MED12L: variants seen among roughly 807,000 people sequenced by gnomAD.
The protein encoded by MED12L is mediator complex subunit 12L, also known as mediator of RNA polymerase II transcription subunit 12-like protein.
A neutral mutation model predicts 281.3 loss-of-function variants in MED12L; 60 were observed. The observed-to-expected ratio is 0.21, with a 90% CI of 0.17 to 0.26. The LOEUF is 0.26. Among genes scored for constraint, MED12L ranks in the 10% least tolerant of loss-of-function variants. MED12L has a pLI of 1.00. For synonymous variants in MED12L, 974 were observed against 987.2 expected, an observed-to-expected ratio of 0.99 and a Z score of 0.25; for missense variants, 2,146 against 2,680.9, an observed-to-expected ratio of 0.80 and a Z score of 4.41.
rs146550613 is a variant in MED12L, at chr3:151,217,066, C to A, written c.2250+23400C>A. ...TCACTTGAGTTTAAAATATAAAAAACTGTAGCTGTTATTTTGGAAAACAGA... is the reference window on the plus strand; with the variant it reads ...TCACTTGAGTTTAAAATATAAAAAAATGTAGCTGTTATTTTGGAAAACAGA... On this transcript the variant is annotated intron_variant, in intron 16 of 44. Transcript: ENST00000687756. Among the ~76,000 whole-genome samples, 7 of 152,234 alleles carry A rather than the reference C, an allele frequency of 4.6e-5. No homozygotes were observed. The East Asian group carries it at 1.4e-3, about 29-fold the overall frequency.
intron 16 of MED12L, among the ~76,000 whole-genome samples, chr3:151,216,154 G>C (rs1205920450): frequency 6.6e-6 from 1 of 151,974 alleles, no homozygotes; most frequent in Admixed American, 6.6e-5. Flanking sequence ...TTTTACTCTT[G>C]AATTCTTTGC....
intron 16 of MED12L, among the ~76,000 whole-genome samples, chr3:151,238,108 C>T (rs1351576475): frequency 6.6e-6 from 1 of 151,824 alleles, no homozygotes; most frequent in Non-Finnish European, 1.5e-5. Context: ...CTTTTCTGTC[C>T]TAAAGTTTAG....
At chr3:151,320,172 C>A (rs1255986290) in intron 16 of MED12L, among the ~76,000 whole-genome samples, 1 of 152,112 alleles carries the variant, frequency 6.6e-6, no homozygotes, top group Non-Finnish European at 1.5e-5. Context: ...TGTTGGTAGG[C>A]ATAGTATTTG....
At chr3:151,237,338 TTTTTTTTTTTTC>T (rs1733066179) in intron 16 of MED12L, among the ~76,000 whole-genome samples, 1 of 97,292 alleles carries the variant, frequency 1.0e-5, no homozygotes, top group Non-Finnish European at 2.0e-5. Context: ...ACGCCTGGCT[TTTTTTTTTTTTC>T]TTTTTTTTTT....
intron 39 of MED12L, among the ~76,000 whole-genome samples, chr3:151,405,228 A>G (rs1028610856): frequency 1.3e-5 from 2 of 152,214 alleles, no homozygotes; most frequent in African/African-American, 4.8e-5. Flanking sequence ...TATAGAGGTA[A>G]GCCCAAAGCA....
At chr3:151,295,250 C>T in intron 16 of MED12L, 2 of 1,393,520 alleles carry the variant, frequency 1.4e-6, no homozygotes, top group Non-Finnish European at 2.0e-6. Flanking sequence ...CAGTGCTTGG[C>T]AAGCATGCCC....
intron 16 of MED12L, among the ~76,000 whole-genome samples, chr3:151,244,751 A>T (rs1310887678): frequency 6.6e-6 from 1 of 152,128 alleles, no homozygotes; most frequent in Non-Finnish European, 1.5e-5. Flanking sequence ...AGCAGAAGGC[A>T]AGAAATAACT....
chr3:151,226,964 C>A (rs1730620682), intron 16 of MED12L, among the ~76,000 whole-genome samples: 1 of 152,202 alleles, frequency 6.6e-6, no homozygotes, highest in African/African-American at 2.4e-5. Context: ...GGTTTGGATG[C>A]CACACGCAGA....
intron 16 of MED12L, among the ~76,000 whole-genome samples, chr3:151,299,690 A>G (rs945261510): frequency 6.6e-6 from 1 of 151,960 alleles, no homozygotes; most frequent in African/African-American, 2.4e-5. Context: ...GTTACCCAGT[A>G]GATTAGGTAG....
At chr3:151,418,908 A>C (rs1323038138) in intron 43 of MED12L, among the ~76,000 whole-genome samples, 1 of 152,158 alleles carries the variant, frequency 6.6e-6, no homozygotes, top group Non-Finnish European at 1.5e-5. Context: ...TTATGTACAG[A>C]TACGTGAGAT....
chr3:151,119,248 G>A (rs901710464), intron 3 of MED12L, among the ~76,000 whole-genome samples: 1 of 152,166 alleles, frequency 6.6e-6, no homozygotes, highest in Admixed American at 6.5e-5. Context: ...TCCCTGAATT[G>A]TATTACTACT....
rs1463725 is a variant in MED12L, at chr3:151,365,135, T to C, written c.3114T>C (p.Asn1038=). ...YSMLGKILSD[N]AANRYSFVCN... ...TGCTGGGCAAGATCCTCAGTGACAA[T>C]GCGGCCAATCGCTACAGCTTTGTCT... Residue 1038 remains asparagine (N), a synonymous_variant, in exon 22 of 45, where the codon AAT becomes AAC. Transcript: ENST00000687756. 0.078 allele frequency: 126,491 copies of C among 1,613,916 alleles called. 8,225 individuals are homozygous for C. Among genetic ancestry groups the C allele is most frequent in the East Asian group, 0.3 (13,261 of 44,864 alleles).
chr3:151,290,203 A>G (rs1320425459), intron 16 of MED12L, among the ~76,000 whole-genome samples: 1 of 152,266 alleles, frequency 6.6e-6, no homozygotes, highest in Non-Finnish European at 1.5e-5. Context: ...AACATAATTC[A>G]AAGAGAAGTT....
At chr3:151,386,959 C>T (rs919213421) in intron 36 of MED12L, among the ~76,000 whole-genome samples, 4 of 152,142 alleles carry the variant, frequency 2.6e-5, no homozygotes, top group Admixed American at 2.6e-4. Flanking sequence ...TCCCACCCGC[C>T]TCAGCCTCAC....
At chr3:151,137,172 GAAA>G (rs776196596) in intron 5 of MED12L, among the ~76,000 whole-genome samples, 13,852 of 125,666 alleles carry the variant, frequency 0.11, 883 homozygotes, top group Middle Eastern at 0.19. Context: ...AAAAAAAAAA[GAAA>G]AAAAAAAAAA....
intron 16 of MED12L, among the ~76,000 whole-genome samples, chr3:151,219,903 CCCT>C (rs1258792329): frequency 1.5e-5 from 2 of 136,844 alleles, no homozygotes; most frequent in Admixed American, 1.5e-4. Flanking sequence ...CCCCCCCCCC[CCCT>C]TGGATATGGA....
intron 2 of MED12L, among the ~76,000 whole-genome samples, chr3:151,089,484 A>G (rs914879224): frequency 6.7e-6 from 1 of 149,892 alleles, no homozygotes; most frequent in Admixed American, 6.7e-5. Flanking sequence ...TTTGTAAATT[A>G]GTTTGTGCAC....
chr3:151,365,195 G>C lies in MED12L; in HGVS notation c.3174G>C (p.Gln1058His), dbSNP rs748864434. Residue 1058 changes from glutamine to histidine, a missense_variant, in exon 22 of 45, where the codon CAG becomes CAC. This residue lies in a region of MED12L where 404 missense variants were observed against 603.5 expected (regional missense o/e 0.67). Transcript: ENST00000687756. Reference protein sequence around the residue: ...NTLMNVCMGHQDAGRINDIAN... With the variant: ...NTLMNVCMGHHDAGRINDIAN... ...TCATGAATGTATGTATGGGCCATCAGGATGCTGGCAGGTGAGATGGGTTAC... is the reference window on the plus strand; with the variant it reads ...TCATGAATGTATGTATGGGCCATCACGATGCTGGCAGGTGAGATGGGTTAC... 3.1e-6 allele frequency: 5 copies of C among 1,613,244 alleles called. No homozygotes were observed. The highest frequency in any genetic ancestry group is 4.2e-6 in the Non-Finnish European group (5 of 1,179,232).
intron 11 of MED12L, 47 bp from the exon 12 acceptor site, chr3:151,185,283 G>A: frequency 6.3e-7 from 1 of 1,586,250 alleles, no homozygotes; most frequent in Non-Finnish European, 8.6e-7. Context: ...CTTGCTGGGT[G>A]AATGTTTCAT....
Sources: gnomAD v4.1 joint callset for allele counts (sites outside exome capture counted in the v4.1 genomes callset) on GRCh38, gnomAD v4.1.1 for gene constraint, gnomAD v4.1.1 regional missense constraint, MANE v1.5 for transcripts, NCBI Gene and HGNC (gene_info 2026-07-23, HGNC 2026-07-21) for gene names.